The following MSN variants were observed in gnomAD, a reference collection of about 807,000 sequenced individuals.
MSN encodes the protein epididymis luminal protein 70.
A neutral mutation model predicts 48.0 loss-of-function variants in MSN; 2 were observed. The ratio of observed to expected loss-of-function variants is 0.04; its 90% confidence interval spans 0.02 to 0.13. The LOEUF (loss-of-function observed/expected upper bound fraction) is 0.13, where lower values mean the gene tolerates loss of function less well. MSN is among the 10% of genes least tolerant of loss of function. MSN has a pLI of 1.00. For missense variants in MSN, 267 were observed against 470.1 expected (o/e 0.57, Z 3.99); for synonymous variants, 146 against 166.9 (o/e 0.87, Z 0.97).
At chrX:65,629,904 C>A (rs182001843) in intron 1 of MSN, among the ~76,000 whole-genome samples, 1 of 111,819 alleles carries the variant, frequency 8.9e-6, no homozygotes, top group Non-Finnish European at 1.9e-5. Flanking sequence ...TTCACTCAGG[C>A]GAGGTGGCTC....
At chrX:65,677,064 G>A (rs2071006654) in intron 1 of MSN, among the ~76,000 whole-genome samples, 1 of 111,598 alleles carries the variant, frequency 9.0e-6, no homozygotes, top group Non-Finnish European at 1.9e-5. Flanking sequence ...CTGACCTCGG[G>A]TGATCTGCCT....
chrX:65,621,798 C>G (rs749177700), intron 1 of MSN, among the ~76,000 whole-genome samples: 1 of 112,240 alleles, frequency 8.9e-6, no homozygotes, highest in African/African-American at 3.2e-5. Context: ...TTTTCTTAAA[C>G]TTATTTCATC....
At chrX:65,697,127 C>T (rs755103119) in intron 1 of MSN, among the ~76,000 whole-genome samples, 12 of 108,085 alleles carry the variant, frequency 1.1e-4, no homozygotes, top group Admixed American at 6.0e-4. Flanking sequence ...TTAAGGCCTA[C>T]GTGATAAACC....
intron 1 of MSN, among the ~76,000 whole-genome samples, chrX:65,621,200 C>A (rs1306703696): frequency 3.6e-5 from 4 of 111,704 alleles, no homozygotes; most frequent in Non-Finnish European, 7.5e-5. Context: ...CAGGCATGAG[C>A]CTCCGTGCCC....
chrX:65,705,641 T>G (rs186930381), intron 1 of MSN, among the ~76,000 whole-genome samples: 2 of 112,184 alleles, frequency 1.8e-5, no homozygotes, highest in East Asian at 5.6e-4. Context: ...CTTTCAATTT[T>G]CACCTCTGAC....
At chrX:65,684,543 A>C (rs929483208) in intron 1 of MSN, among the ~76,000 whole-genome samples, 4 of 108,765 alleles carry the variant, frequency 3.7e-5, no homozygotes, top group African/African-American at 1.3e-4. Flanking sequence ...GGTTCAAGCT[A>C]TTCTCCTGCC....
chrX:65,623,558 C>T (rs1483162772), intron 1 of MSN, among the ~76,000 whole-genome samples: 2 of 109,748 alleles, frequency 1.8e-5, no homozygotes, highest in African/African-American at 3.4e-5. Context: ...TGCCTGTAAT[C>T]CCAGCATTTT....
At chrX:65,656,001 A>G (rs954319724) in intron 1 of MSN, among the ~76,000 whole-genome samples, 2 of 111,971 alleles carry the variant, frequency 1.8e-5, no homozygotes, top group Admixed American at 9.5e-5. Flanking sequence ...TCCTGACCTC[A>G]GGTGATTCAC....
At chrX:65,597,464 G>A (rs749114256) in intron 1 of MSN, among the ~76,000 whole-genome samples, 2 of 110,647 alleles carry the variant, frequency 1.8e-5, no homozygotes, top group East Asian at 2.8e-4. Flanking sequence ...CTCCCACCTC[G>A]CCCTCCCTAG....
chrX:65,713,112 A>G (rs1602839726), intron 1 of MSN, among the ~76,000 whole-genome samples: 1 of 112,177 alleles, frequency 8.9e-6, no homozygotes, highest in East Asian at 2.8e-4. Context: ...GCTGCCTGTT[A>G]CTATTACTAC....
At chrX:65,591,709 A>G (rs1349668892) in intron 1 of MSN, among the ~76,000 whole-genome samples, 1 of 111,835 alleles carries the variant, frequency 8.9e-6, no homozygotes, top group Non-Finnish European at 1.9e-5. Context: ...AAGGCTAGCT[A>G]GGCTTCAGCT....
chrX:65,670,941 TATATATATATATA>T, intron 1 of MSN, among the ~76,000 whole-genome samples: 1 of 64,563 alleles, frequency 1.5e-5, no homozygotes, highest in African/African-American at 5.7e-5. Context: ...TATATATATA[TATATATATATATA>T]TTTAAAAAGG....
At chrX:65,683,936 C>CTTTTTTTTTTTTTTTTT in intron 1 of MSN, among the ~76,000 whole-genome samples, 1 of 101,176 alleles carries the variant, frequency 9.9e-6, no homozygotes, top group Non-Finnish European at 2.0e-5. Flanking sequence ...TTCTTTCTTT[C>CTTTTTTTTTTTTTTTTT]TTTTTCTTTT....
intron 1 of MSN, among the ~76,000 whole-genome samples, chrX:65,697,178 A>G (rs961516950): frequency 2.8e-5 from 3 of 107,508 alleles, no homozygotes; most frequent in Admixed American, 2.0e-4. Context: ...AGGCTGTAAG[A>G]TTAGCCTAGG....
intron 12 of MSN, among the ~76,000 whole-genome samples, 182 bp downstream of exon 12, chrX:65,739,376 G>C (rs901619741): frequency 9.0e-6 from 1 of 111,362 alleles, no homozygotes; most frequent in Non-Finnish European, 1.9e-5. Flanking sequence ...CAGACCTTGG[G>C]CTATCTCTTC....
At chrX:65,632,750 GC>G (rs771142885) in intron 1 of MSN, among the ~76,000 whole-genome samples, 10 of 111,988 alleles carry the variant, frequency 8.9e-5, no homozygotes, top group African/African-American at 3.2e-4. Flanking sequence ...GTCTGGCACA[GC>G]TAGATAAATG....
At chrX:65,697,126 A>G (rs1284438777) in intron 1 of MSN, among the ~76,000 whole-genome samples, 1 of 109,962 alleles carries the variant, frequency 9.1e-6, no homozygotes, top group East Asian at 2.9e-4. Flanking sequence ...CTTAAGGCCT[A>G]CGTGATAAAC....
intron 1 of MSN, among the ~76,000 whole-genome samples, chrX:65,684,564 G>T (rs889722607): frequency 9.1e-6 from 1 of 109,311 alleles, no homozygotes; most frequent in Non-Finnish European, 1.9e-5. Context: ...TCGGCCTCCC[G>T]AGTAACTGGG....
At chrX:65,595,595 T>C (rs1158765258) in intron 1 of MSN, among the ~76,000 whole-genome samples, 1 of 112,097 alleles carries the variant, frequency 8.9e-6, no homozygotes, top group South Asian at 3.7e-4. Flanking sequence ...AGTGGTCTAG[T>C]TGGGCCTGCA....
Sources: gnomAD v4.1 joint callset for allele counts (sites outside exome capture counted in the v4.1 genomes callset) on GRCh38, gnomAD v4.1.1 for gene constraint, MANE v1.5 for transcripts, NCBI Gene and HGNC (gene_info 2026-07-23, HGNC 2026-07-21) for gene names.